Variants in CYRIA observed in about 807,000 individuals in gnomAD.
CYRIA encodes the protein CYFIP related Rac1 interactor A, also known as CYFIP-related Rac1 interactor A.
In CYRIA, 15 loss-of-function variants were observed where a neutral mutation model predicts 43.9. The ratio of observed to expected loss-of-function variants is 0.34; its 90% CI spans 0.23 to 0.53. The LOEUF (loss-of-function observed/expected upper bound fraction) is 0.53. CYRIA is among the 20% of genes least tolerant of loss of function. CYRIA has a pLI of 0.94. For synonymous variants in CYRIA, 117 were observed against 136.0 expected (o/e 0.86, Z 0.97); for missense variants, 236 against 394.2 (o/e 0.60, Z 3.40).
intron 11 of CYRIA, among the ~76,000 whole-genome samples, chr2:16,554,722 A>G (rs1248122537): frequency 6.6e-6 from 1 of 152,136 alleles, no homozygotes; most frequent in Non-Finnish European, 1.5e-5. Context: ...GGAAAGTGAG[A>G]GCCTGGAAGC....
intron 2 of CYRIA, among the ~76,000 whole-genome samples, chr2:16,589,522 G>A (rs1278907319): frequency 6.6e-6 from 1 of 151,996 alleles, no homozygotes; most frequent in Non-Finnish European, 1.5e-5. Context: ...AATTCCAGCT[G>A]TTTTCTACTA....
At chr2:16,620,529 A>G (rs755534317) in intron 2 of CYRIA, among the ~76,000 whole-genome samples, 1 of 152,228 alleles carries the variant, frequency 6.6e-6, no homozygotes, top group Non-Finnish European at 1.5e-5. Context: ...AATATATGAA[A>G]GAGGTATAAA....
intron 2 of CYRIA, among the ~76,000 whole-genome samples, chr2:16,618,351 C>G (rs776295859): frequency 1.3e-5 from 2 of 152,160 alleles, no homozygotes; most frequent in Non-Finnish European, 2.9e-5. Flanking sequence ...TGCTCACTCC[C>G]CCTGGGTGCA....
At chr2:16,568,227 GAAAAAAAA>G in intron 3 of CYRIA, among the ~76,000 whole-genome samples, 1 of 88,754 alleles carries the variant, frequency 1.1e-5, no homozygotes, top group South Asian at 4.5e-4. Flanking sequence ...TTCAAAATCA[GAAAAAAAA>G]AAAAAAAAAA....
intron 1 of CYRIA, among the ~76,000 whole-genome samples, chr2:16,660,561 G>C (rs1046458439): frequency 1.3e-5 from 2 of 152,196 alleles, no homozygotes; most frequent in Admixed American, 6.5e-5. Flanking sequence ...TTGAGGGCAG[G>C]GGTAATGTCA....
chr2:16,551,760 GTTTTAATTGCCCA>G lies in CYRIA; in HGVS notation c.*1163_*1175del, dbSNP rs1666322977. On this transcript the variant is annotated 3_prime_UTR_variant, in exon 12 of 12. Transcript: ENST00000381323. ...TAACCTTACAGGGCTCTTGAAGATT[GTTTTAATTGCCCA>G]TTTTAGAGACAAGGAGGTTAAGACT... 1 of 152,078 alleles carries G rather than the reference GTTTTAATTGCCCA, an allele frequency of 6.6e-6. No individual in the cohort carries two copies. Among genetic ancestry groups the G allele is most frequent in the Admixed American group, 6.6e-5 (1 of 15,246 alleles). The allele number at this position is 152,078 out of a possible 1,614,324, so 9.4% of individuals were successfully genotyped here.
chr2:16,660,468 C>T (rs1430924233), intron 1 of CYRIA, among the ~76,000 whole-genome samples: 2 of 152,186 alleles, frequency 1.3e-5, no homozygotes, highest in Non-Finnish European at 2.9e-5. Context: ...CTTCCCTCAG[C>T]ACACTGCACT....
intron 1 of CYRIA, among the ~76,000 whole-genome samples, chr2:16,634,566 AAC>A (rs1669434583): frequency 6.6e-6 from 1 of 152,256 alleles, no homozygotes; most frequent in Non-Finnish European, 1.5e-5. Context: ...AGAGGGGGAT[AAC>A]TCCACTCTAA....
At position 16,551,333 on chromosome 2, in the gene CYRIA, G is replaced by A. The variant is rs1666301281; in HGVS notation, c.*1603C>T. ...TGATGTACTCAGACTCAACTTCTAG[G>A]ATTATCATTCACTAAATGCCTGGGT... On this transcript the variant is annotated 3_prime_UTR_variant, in exon 12 of 12. Transcript: ENST00000381323. 6.6e-6 allele frequency: 1 copy of A among 152,292 alleles called. No individual in the cohort carries two copies. Among genetic ancestry groups the A allele is most frequent in the South Asian group, 2.1e-4 (1 of 4,828 alleles). The allele number at this position is 152,292 out of a possible 1,614,324, so 9.4% of individuals were successfully genotyped here.
chr2:16,662,928 C>T (rs1670301046), intron 1 of CYRIA, among the ~76,000 whole-genome samples: 1 of 152,178 alleles, frequency 6.6e-6, no homozygotes, highest in African/African-American at 2.4e-5. Context: ...AGAAATGCTG[C>T]TCATTTTTCG....
chr2:16,555,227 C>A, intron 10 of CYRIA, 88 bp from the exon 11 acceptor site: 1 of 1,189,064 alleles, frequency 8.4e-7, no homozygotes, highest in South Asian at 1.3e-5. Flanking sequence ...CCCATAATGT[C>A]ACATTATATC....
chr2:16,592,186 G>A lies in CYRIA; in HGVS notation c.-10-4057C>T, dbSNP rs543578756. ...ACTGGACTCCAGATTTTTGTATCTG[G>A]AAGGTTCAACCAAGAGGTATGATAT... On this transcript the variant is annotated intron_variant, in intron 2 of 11. Transcript: ENST00000381323. Among the ~76,000 whole-genome samples the A allele has an allele frequency of 1.4e-3, 210 of 152,194 alleles. 1 individual carries two copies. Among genetic ancestry groups the A allele is most frequent in the Non-Finnish European group, 2.6e-3 (180 of 67,990 alleles).
chr2:16,591,106 A>G (rs1667915524), intron 2 of CYRIA, among the ~76,000 whole-genome samples: 1 of 152,156 alleles, frequency 6.6e-6, no homozygotes, highest in Non-Finnish European at 1.5e-5. Flanking sequence ...TGCTATTACC[A>G]TAGTACTCAT....
chr2:16,567,437 C>CA (rs1275824424), intron 3 of CYRIA, among the ~76,000 whole-genome samples: 1 of 151,928 alleles, frequency 6.6e-6, no homozygotes, highest in Non-Finnish European at 1.5e-5. Flanking sequence ...TGAAACAAAA[C>CA]AAAAAAACAA....
chr2:16,559,877 T>C (rs1246980098), intron 9 of CYRIA, among the ~76,000 whole-genome samples: 1 of 152,130 alleles, frequency 6.6e-6, no homozygotes, highest in Non-Finnish European at 1.5e-5. Flanking sequence ...CCTATCAATC[T>C]TGAATATTTT....
chr2:16,579,419 GCACA>G (rs35850813), intron 3 of CYRIA, among the ~76,000 whole-genome samples: 114 of 147,424 alleles, frequency 7.7e-4, no homozygotes, highest in Middle Eastern at 3.5e-3. Flanking sequence ...ACATGCACAT[GCACA>G]CACACACACA....
chr2:16,621,343 A>C (rs1282300869), intron 2 of CYRIA, among the ~76,000 whole-genome samples: 1 of 152,130 alleles, frequency 6.6e-6, no homozygotes, highest in Non-Finnish European at 1.5e-5. Context: ...ACATCAACCT[A>C]CTTTATCGAT....
chr2:16,649,725 G>A (rs1482251715), intron 1 of CYRIA, among the ~76,000 whole-genome samples: 1 of 150,934 alleles, frequency 6.6e-6, no homozygotes, highest in East Asian at 1.9e-4. Flanking sequence ...CAGTACAGGG[G>A]ATGGCTATAC....
chr2:16,587,552 A>G (rs542618678), intron 3 of CYRIA, among the ~76,000 whole-genome samples: 4 of 152,248 alleles, frequency 2.6e-5, no homozygotes, highest in African/African-American at 9.6e-5. Flanking sequence ...ATGACATTAG[A>G]AATGATTTCA....
Sources: allele counts gnomAD v4.1 joint callset (sites outside exome capture counted in the v4.1 genomes callset), GRCh38; gene constraint gnomAD v4.1.1; transcripts MANE v1.5; gene names NCBI Gene and HGNC (gene_info 2026-07-23, HGNC 2026-07-21).